The following SIM1 variants were observed in gnomAD, a reference collection of about 807,000 sequenced individuals.
SIM1 encodes single-minded homolog 1.
A neutral mutation model predicts 78.2 loss-of-function variants in SIM1; 18 were observed. The observed-to-expected ratio is 0.23, with a 90% CI of 0.16 to 0.34. The LOEUF (loss-of-function observed/expected upper bound fraction) is 0.34, where lower values mean the gene tolerates loss of function less well. SIM1 is among the 10% of genes least tolerant of loss of function. SIM1 has a pLI of 1.00. For synonymous variants in SIM1, 417 were observed against 385.2 expected (o/e 1.08, Z -0.97); for missense variants, 939 against 975.1 (o/e 0.96, Z 0.49).
intron 9 of SIM1, among the ~76,000 whole-genome samples, chr6:100,444,392 G>A (rs1772300055): frequency 6.6e-6 from 1 of 152,104 alleles, no homozygotes; most frequent in African/African-American, 2.4e-5. Context: ...TTTTTTAAAT[G>A]TGTAAAGCTA....
At chr6:100,393,399 A>G in intron 11 of SIM1, 88 bp downstream of exon 11, 7 of 1,118,278 alleles carry the variant, frequency 6.3e-6, no homozygotes, top group Non-Finnish European at 8.4e-6. Context: ...GAAGATAACT[A>G]TTTGGTCATT....
rs1288213195 is a variant in SIM1 at position 100,450,318 on chromosome 6, C to T, written c.297G>A (p.Gly99=). ...DGFIFVVAPD[G]KIMYISETAS... is the part of the protein sequence containing the mutation. Reference sequence around the variant, plus strand: ...CTGTCTCTGAGATGTACATGATCTTCCCATCTGGGGCTACCACGAAGATGA... The same window carrying T: ...CTGTCTCTGAGATGTACATGATCTTTCCATCTGGGGCTACCACGAAGATGA... The change falls in exon 4 of 12, where the codon GGG becomes GGA. Residue 99 remains glycine (G), a synonymous_variant. Coordinates refer to ENST00000369208, the MANE Select transcript of SIM1 (RefSeq NM_005068.3). 1.2e-6 allele frequency: 2 copies of T among 1,613,972 alleles called. No homozygotes were observed. Among genetic ancestry groups the T allele is most frequent in the South Asian group, 1.1e-5 (1 of 91,080 alleles).
At chr6:100,440,932 A>G (rs1772196589) in intron 9 of SIM1, among the ~76,000 whole-genome samples, 1 of 152,090 alleles carries the variant, frequency 6.6e-6, no homozygotes, top group African/African-American at 2.4e-5. Context: ...AGACAAAAAC[A>G]TGTTTTTCTG....
In SIM1 at chr6:100,390,400, T is replaced by C. The variant is rs1770605940; in HGVS notation, c.2262A>G (p.Gly754=). The change falls in exon 12 of 12, where the codon GGA becomes GGG. Residue 754 remains glycine (G), a synonymous_variant. Coordinates refer to ENST00000369208, the MANE Select transcript of SIM1 (RefSeq NM_005068.3). ...HLRMQPDPAQ[G]HKGTSVIITN... ...TTATTATAACAGATGTTCCCTTGTG[T>C]CCTTGTGCTGGGTCTGGTTGCATCC... The C allele has an allele frequency of 6.2e-7, 1 of 1,614,142 alleles. No homozygotes were observed. Among genetic ancestry groups the C allele is most frequent in the Non-Finnish European group, 8.5e-7 (1 of 1,180,012 alleles).
intron 10 of SIM1, among the ~76,000 whole-genome samples, chr6:100,411,800 T>C (rs145333436): frequency 6.6e-6 from 1 of 152,178 alleles, no homozygotes; most frequent in East Asian, 1.9e-4. Flanking sequence ...AGGAGAAATA[T>C]AACTCAGCAA....
At chr6:100,437,406 G>C (rs1325702669) in intron 9 of SIM1, 2 of 151,890 alleles carry the variant, frequency 1.3e-5, no homozygotes, top group Non-Finnish European at 2.9e-5. Context: ...CCAATCTGCT[G>C]GTGTTTGTCA....
At chr6:100,404,587 C>CT (rs996952176) in intron 10 of SIM1, among the ~76,000 whole-genome samples, 11 of 150,748 alleles carry the variant, frequency 7.3e-5, no homozygotes, top group South Asian at 2.1e-4. Flanking sequence ...AAAATATGTT[C>CT]TTTTTTTTCA....
chr6:100,391,003 C>T lies in SIM1; in HGVS notation c.1659G>A (p.Gln553=), dbSNP rs2114458709. ...SESGDRYRTE[Q]YQSSPHEPSK... ...TGGGTTCATGTGGGCTACTTTGATA[C>T]TGCTCAGTACGATATCGGTCACCTG... The change falls in exon 12 of 12, where the codon CAG becomes CAA. Residue 553 remains glutamine (Q), a synonymous_variant. Coordinates refer to ENST00000369208, the MANE Select transcript of SIM1 (RefSeq NM_005068.3). The T allele has an allele frequency of 6.2e-7, 1 of 1,614,106 alleles. No homozygotes were observed. The highest frequency in any genetic ancestry group is 8.5e-7 in the Non-Finnish European group (1 of 1,180,018).
intron 8 of SIM1, 52 bp from the exon 9 acceptor site, chr6:100,447,467 G>GT: frequency 6.2e-7 from 1 of 1,608,398 alleles, no homozygotes; most frequent in Non-Finnish European, 8.5e-7. Context: ...CCTGGGACTG[G>GT]CCCCAAATGC....
rs143730422 is a variant in SIM1 at position 100,431,140 on chromosome 6, C to T, written c.999-10182G>A. Among the ~76,000 whole-genome samples the T allele has an allele frequency of 7.7e-3, 1,171 of 152,110 alleles. 16 individuals carry two copies. The highest frequency in any genetic ancestry group is 0.025 in the African/African-American group (1,033 of 41,510). ...TTCTGAACTCCCCAGGAAATGACAC[C>T]GCAAAAAATGATGGCATGATGCAAT... is the stretch of plus-strand genomic sequence containing the variant. On this transcript the variant is annotated intron_variant, in intron 9 of 11. Coordinates refer to ENST00000369208, the MANE Select transcript of SIM1 (RefSeq NM_005068.3).
Position 100,393,722 on chromosome 6 carries a change from G to A in SIM1, c.1335C>T (p.Leu445=), listed in dbSNP as rs1209980913. 6.2e-7 allele frequency: 1 copy of A among 1,614,226 alleles called. No homozygotes were observed. Among genetic ancestry groups the A allele is most frequent in the Admixed American group, 1.7e-5 (1 of 60,030 alleles). ...AGTGGTCAAGCGCAAAGCCATAGCA[G>A]AGAGAGCTGCGGTCCGAAAACTGTC... is the stretch of plus-strand genomic sequence containing the variant. ...AYRQFSDRSS[L]CYGFALDHSR... The change falls in exon 11 of 12, where the codon CTC becomes CTT. Residue 445 remains leucine, a synonymous_variant. Transcript: ENST00000369208.
intron 9 of SIM1, among the ~76,000 whole-genome samples, chr6:100,442,576 T>C (rs1303775919): frequency 2.0e-5 from 3 of 152,102 alleles, no homozygotes. Flanking sequence ...ATACAAATGC[T>C]CCAGAGAGTA....
intron 10 of SIM1, among the ~76,000 whole-genome samples, chr6:100,402,468 T>C (rs960460595): frequency 1.6e-4 from 24 of 151,106 alleles, no homozygotes; most frequent in African/African-American, 5.6e-4. Context: ...GTTTTAAGAG[T>C]GGCGAGGAGG....
chr6:100,456,012 C>A (rs1197868182), intron 2 of SIM1, among the ~76,000 whole-genome samples: 1 of 152,198 alleles, frequency 6.6e-6, no homozygotes, highest in African/African-American at 2.4e-5. Flanking sequence ...CTGTCCGGCA[C>A]AGGTTAACAG....
At chr6:100,412,335 A>C (rs1383858049) in intron 10 of SIM1, among the ~76,000 whole-genome samples, 1 of 151,698 alleles carries the variant, frequency 6.6e-6, no homozygotes, top group Non-Finnish European at 1.5e-5. Flanking sequence ...TCATGAGTTC[A>C]AGACCAGCCT....
rs2114454995 is a variant in SIM1 at position 100,388,586 on chromosome 6, A to G, written c.*1775T>C. ...CATATTATCGTTCAGATTGTCACCT[A>G]CCTATGGACTGTGAAATAACTGTGT... On this transcript the variant is annotated 3_prime_UTR_variant, in exon 12 of 12. Transcript: ENST00000369208. 6.6e-6 allele frequency: 1 copy of G among 152,234 alleles called. No homozygotes were observed. Among genetic ancestry groups the G allele is most frequent in the South Asian group, 2.1e-4 (1 of 4,822 alleles). The allele number at this position is 152,234 out of a possible 1,614,324, so 9.4% of individuals were successfully genotyped here.
rs544375392 is a variant in SIM1, at chr6:100,435,982, TTACCA to T, written c.998+11281_998+11285del. Among the ~76,000 whole-genome samples, 78 of 147,300 alleles carry T rather than the reference TTACCA, an allele frequency of 5.3e-4. 1 individual carries two copies. In the East Asian group the frequency reaches 0.011, roughly 20 times the overall value. On this transcript the variant is annotated intron_variant, in intron 9 of 11. Transcript: ENST00000369208. ...ACCTTGCTGCCAGTCATGAACTCCC[TTACCA>T]TACACATCACACACACACACACAGA...
At position 100,412,570 on chromosome 6, in the gene SIM1, A is replaced by G. The variant is rs1165374023; in HGVS notation, c.1167+8220T>C. ...AGAAAGAAAGAAAAGAAAGAAAGAA[A>G]GAAAGAAAGAAAGAAAGAAAGAAAG... On this transcript the variant is annotated intron_variant, in intron 10 of 11. Coordinates refer to ENST00000369208, the MANE Select transcript of SIM1 (RefSeq NM_005068.3). 1.9e-5 allele frequency among the ~76,000 whole-genome samples: 2 copies of G among 104,114 alleles called. 1 individual carries two copies. The highest frequency in any genetic ancestry group is 1.2e-3 in the East Asian group (2 of 1,710). 68.3% of individuals were successfully genotyped at this position (104,114 alleles called of 152,430 possible).
At chr6:100,425,001 A>C (rs1200145899) in intron 9 of SIM1, among the ~76,000 whole-genome samples, 1 of 152,160 alleles carries the variant, frequency 6.6e-6, no homozygotes, top group Non-Finnish European at 1.5e-5. Flanking sequence ...ATCAACTTGA[A>C]TTGCATATCC....
Sources: allele counts gnomAD v4.1 joint callset (sites outside exome capture counted in the v4.1 genomes callset), GRCh38; gene constraint gnomAD v4.1.1; transcripts MANE v1.5; gene names NCBI Gene and HGNC (gene_info 2026-07-23, HGNC 2026-07-21).